The following GLDC variants were observed in gnomAD, a reference collection of about 807,000 sequenced individuals.
GLDC encodes the protein glycine decarboxylase.
Under a neutral mutation model 121.3 loss-of-function variants are expected in GLDC, and 104 were observed. The observed-to-expected ratio is 0.86, with a 90% CI of 0.73 to 1.01. GLDC has a LOEUF of 1.01. GLDC is among the 50% of genes least tolerant of loss of function. The probability of loss-of-function intolerance (pLI) is 0.00; values close to 1 mark genes in which losing one functional copy is unlikely to be tolerated. For missense variants in GLDC, 1,429 were observed against 1,306.6 expected, an observed-to-expected ratio of 1.09 and a Z score of -1.44; for synonymous variants, 546 against 480.6, an observed-to-expected ratio of 1.14 and a Z score of -1.78.
At chr9:6,576,625 C>T (rs1818070893) in intron 15 of GLDC, among the ~76,000 whole-genome samples, 1 of 152,056 alleles carries the variant, frequency 6.6e-6, no homozygotes, top group Non-Finnish European at 1.5e-5. Flanking sequence ...TGCCACCACA[C>T]CTGGCTAATT....
At chr9:6,609,908 C>T (rs1240231675) in intron 4 of GLDC, among the ~76,000 whole-genome samples, 1 of 152,074 alleles carries the variant, frequency 6.6e-6, no homozygotes, top group Admixed American at 6.6e-5. Context: ...AAAATAGTCC[C>T]CTCACCAAAT....
chr9:6,609,815 C>T (rs921570273), intron 4 of GLDC, among the ~76,000 whole-genome samples: 1 of 152,114 alleles, frequency 6.6e-6, no homozygotes, highest in Non-Finnish European at 1.5e-5. Context: ...ACCCTCGCAG[C>T]CCCCAGGCCT....
intron 3 of GLDC, among the ~76,000 whole-genome samples, chr9:6,618,494 A>G (rs1417077582): frequency 3.3e-5 from 5 of 152,056 alleles, no homozygotes; most frequent in African/African-American, 1.2e-4. Context: ...TTTAGTAGAG[A>G]CAGGGTTTTT....
intron 8 of GLDC, among the ~76,000 whole-genome samples, chr9:6,597,076 T>C (rs115057371): frequency 1.6e-4 from 25 of 152,360 alleles, no homozygotes; most frequent in African/African-American, 6.0e-4. Context: ...TGCTACAATA[T>C]GGATGAACCT....
At position 6,629,929 on chromosome 9, in the gene GLDC, C is replaced by CTATATATATATATA. The variant is rs771840710; in HGVS notation, c.335-9624_335-9611dup. 2.9e-5 allele frequency among the ~76,000 whole-genome samples: 3 copies of CTATATATATATATA among 102,164 alleles called. 1 individual carries two copies. Among genetic ancestry groups the CTATATATATATATA allele is most frequent in the African/African-American group, 9.5e-5 (2 of 20,990 alleles). The allele number at this position is 102,164 out of a possible 152,430, so 67.0% of individuals were successfully genotyped here. A position where few individuals can be genotyped will look rare whatever the true frequency, so the allele number is the denominator to read the frequency against. On this transcript the variant is annotated intron_variant, in intron 2 of 24. Transcript: ENST00000321612. ...ATGTGGGAGGGAGGCTTGCTTTTCA[C>CTATATATATATATA]TATATATATATATATGTATATATAT...
intron 15 of GLDC, among the ~76,000 whole-genome samples, chr9:6,577,010 A>T (rs1818077973): frequency 6.6e-6 from 1 of 152,156 alleles, no homozygotes; most frequent in African/African-American, 2.4e-5. Context: ...TTAGAAAGAA[A>T]ATTCACCAAA....
chr9:6,623,081 C>T (rs1256394600), intron 2 of GLDC: 12 of 179,002 alleles, frequency 6.7e-5, no homozygotes, highest in South Asian at 4.0e-4. Flanking sequence ...AGTGAGGAGC[C>T]CCTCTGTCCC....
At chr9:6,612,253 T>TCACA (rs111819532) in intron 3 of GLDC, among the ~76,000 whole-genome samples, 174 of 150,114 alleles carry the variant, frequency 1.2e-3, no homozygotes, top group African/African-American at 3.0e-3. Flanking sequence ...TCTCTCTCTC[T>TCACA]CACACACACT....
chr9:6,576,049 G>T (rs917843676), intron 15 of GLDC, among the ~76,000 whole-genome samples: 1 of 152,158 alleles, frequency 6.6e-6, no homozygotes, highest in Non-Finnish European at 1.5e-5. Context: ...AACACCCTTG[G>T]GATCAAAATG....
intron 23 of GLDC, chr9:6,535,807 C>T: frequency 2.0e-6 from 1 of 511,472 alleles, no homozygotes; most frequent in South Asian, 2.1e-5. Flanking sequence ...GTACATCAAA[C>T]AGAGATGCAG....
intron 2 of GLDC, among the ~76,000 whole-genome samples, chr9:6,633,112 C>G (rs549014618): frequency 3.9e-5 from 6 of 152,248 alleles, no homozygotes; most frequent in African/African-American, 1.4e-4. Flanking sequence ...TGCAGCCCCT[C>G]AACTCCTCCC....
rs1200000126 is a variant in GLDC at position 6,565,366 on chromosome 9, C to G, written c.1914G>C (p.Glu638Asp). Residue 638 changes from glutamate (E) to aspartate (D), a missense_variant, in exon 16 of 25, where the codon GAG (glutamate) becomes GAC (aspartate). Coordinates refer to ENST00000321612, the MANE Select transcript of GLDC (RefSeq NM_000170.3). ...CTGCCATACTCACCGTTCTGTGCCC[C>G]TCTCCTTTCTGGTTTAAGTAGGCTC... ...TIRAYLNQKG[E>D]GHRTVCLIPK... is the part of the protein sequence containing the mutation. 2 of 1,612,982 alleles carry G rather than the reference C, an allele frequency of 1.2e-6. No individual in the cohort carries two copies. The highest frequency in any genetic ancestry group is 1.7e-4 in the Middle Eastern group (1 of 6,060).
intron 3 of GLDC, among the ~76,000 whole-genome samples, chr9:6,614,466 G>C (rs1163202196): frequency 4.0e-5 from 6 of 151,756 alleles, no homozygotes; most frequent in Admixed American, 1.3e-4. Flanking sequence ...AAACTCCTGG[G>C]CTCAAAGACC....
intron 2 of GLDC, among the ~76,000 whole-genome samples, chr9:6,638,269 G>A (rs920243094): frequency 6.6e-6 from 1 of 151,758 alleles, no homozygotes; most frequent in Non-Finnish European, 1.5e-5. Flanking sequence ...GAGTGCAATG[G>A]CGCGACTTAG....
intron 8 of GLDC, among the ~76,000 whole-genome samples, chr9:6,596,498 T>C (rs1391776070): frequency 6.6e-6 from 1 of 152,146 alleles, no homozygotes; most frequent in East Asian, 1.9e-4. Flanking sequence ...CCCAAGACTT[T>C]GGGAGGCTAA....
At chr9:6,631,899 C>G (rs1348033278) in intron 2 of GLDC, among the ~76,000 whole-genome samples, 1 of 152,134 alleles carries the variant, frequency 6.6e-6, no homozygotes, top group Admixed American at 6.5e-5. Flanking sequence ...AGACCCCCGT[C>G]TCTACAAAAT....
At chr9:6,558,057 T>C (rs1817674263) in intron 17 of GLDC, 1 of 216,506 alleles carries the variant, frequency 4.6e-6, no homozygotes, top group African/African-American at 2.3e-5. Flanking sequence ...GCCAGTCCGC[T>C]GGTGGGAAGC....
At chr9:6,612,298 A>G (rs1355602732) in intron 3 of GLDC, among the ~76,000 whole-genome samples, 1 of 151,574 alleles carries the variant, frequency 6.6e-6, no homozygotes, top group African/African-American at 2.4e-5. Flanking sequence ...CCAACACCCC[A>G]ATACAAGTCT....
At chr9:6,609,346 C>T (rs572567840) in intron 4 of GLDC, among the ~76,000 whole-genome samples, 4 of 152,118 alleles carry the variant, frequency 2.6e-5, no homozygotes, top group South Asian at 2.1e-4. Context: ...GTGTAATAGA[C>T]GAGAGATTAA....
Sources: gnomAD v4.1 joint callset for allele counts (sites outside exome capture counted in the v4.1 genomes callset) on GRCh38, gnomAD v4.1.1 for gene constraint, MANE v1.5 for transcripts, NCBI Gene and HGNC (gene_info 2026-07-23, HGNC 2026-07-21) for gene names.